Variants in TBP observed in about 807,000 individuals in gnomAD.
TBP encodes TATA-box binding protein, also known as TATA-box-binding protein.
Under a neutral mutation model 46.2 loss-of-function variants are expected in TBP, and 12 were observed. That is an observed-to-expected ratio of 0.26 (90% CI 0.17 to 0.42). The LOEUF (loss-of-function observed/expected upper bound fraction) is 0.42, where lower values mean the gene tolerates loss of function less well. Among genes scored for constraint, TBP ranks in the 10% least tolerant of loss-of-function variants. The pLI, the probability that TBP is intolerant of heterozygous loss-of-function variation, is 1.00. For missense variants in TBP, 229 were observed against 403.1 expected (o/e 0.57, Z 3.70); for synonymous variants, 157 against 148.3 (o/e 1.06, Z -0.42).
intron 3 of TBP, among the ~76,000 whole-genome samples, chr6:170,562,644 A>G (rs1029836433): frequency 6.6e-6 from 1 of 152,154 alleles, no homozygotes; most frequent in Admixed American, 6.5e-5. Context: ...TGTTTTTACT[A>G]TGGGTGCTGC....
intron 2 of TBP, among the ~76,000 whole-genome samples, chr6:170,558,657 C>G (rs1246879552): frequency 1.3e-5 from 2 of 150,322 alleles, no homozygotes; most frequent in African/African-American, 4.9e-5. Context: ...TCATTATTAT[C>G]CGTTATTGTT....
rs1486987465 is a variant in TBP at position 170,556,961 on chromosome 6, G to GA, written c.-63dup. The GA allele has an allele frequency of 9.3e-6, 14 of 1,507,922 alleles. No homozygotes were observed. In the Admixed American group the frequency reaches 2.2e-4, roughly 24 times the overall value. 93.4% of individuals were successfully genotyped at this position (1,507,922 alleles called of 1,614,324 possible). A position where few individuals can be genotyped will look rare whatever the true frequency, so the allele number is the denominator to read the frequency against. ...GAAGAGTGTGCTGGAGATGCTCTAG[G>GA]AAAAAATTGAATAGTGAGACGAGTT... On this transcript the variant is annotated 5_prime_UTR_variant, in exon 2 of 8. Transcript: ENST00000392092.
chr6:170,564,661 T>C, intron 4 of TBP, 29 bp downstream of exon 4: 2 of 1,496,638 alleles, frequency 1.3e-6, no homozygotes, highest in South Asian at 1.2e-5. Context: ...TATTTCTTTT[T>C]TTTTTCTTTT....
chr6:170,556,701 A>C (rs1437752710), intron 1 of TBP, among the ~76,000 whole-genome samples, 181 bp from the exon 2 acceptor site: 1 of 152,232 alleles, frequency 6.6e-6, no homozygotes, highest in Non-Finnish European at 1.5e-5. Context: ...GCGATTTTAC[A>C]TGCAATCGCC....
intron 6 of TBP, among the ~76,000 whole-genome samples, chr6:170,571,135 C>T (rs988286534): frequency 1.3e-5 from 2 of 152,142 alleles, no homozygotes; most frequent in Admixed American, 6.5e-5. Flanking sequence ...AACTACAGGG[C>T]TCTTTTTCTT....
Position 170,569,781 on chromosome 6 carries a change from T to G in TBP, c.845+2T>G. ...GCTCACCCACCAACAATTTAGTAGG[T>G]AAGTCTGAAATGTATTATGATTGTT... On this transcript the variant is annotated splice_donor_variant, in intron 6 of 7. Coordinates refer to ENST00000392092, the MANE Select transcript of TBP (RefSeq NM_003194.5). LOFTEE classifies it high-confidence loss of function. The G allele has an allele frequency of 6.2e-7, 1 of 1,611,510 alleles. No homozygotes were observed. Among genetic ancestry groups the G allele is most frequent in the Non-Finnish European group, 8.5e-7 (1 of 1,179,194 alleles).
At chr6:170,571,635 G>A (rs1779367694) in intron 7 of TBP, 131 bp downstream of exon 7, 1 of 690,794 alleles carries the variant, frequency 1.4e-6, no homozygotes, top group Non-Finnish European at 2.5e-6. Context: ...CCCACCCAAA[G>A]TCTGATGAGA....
At chr6:170,568,003 G>A (rs934965329) in intron 5 of TBP, among the ~76,000 whole-genome samples, 1 of 152,218 alleles carries the variant, frequency 6.6e-6, no homozygotes, top group African/African-American at 2.4e-5. Flanking sequence ...GAAGGGGGCT[G>A]TGGATATTTT....
Position 170,562,229 on chromosome 6 carries a change from C to A in TBP, c.493C>A (p.Leu165Met), listed in dbSNP as rs1412145625. ...GGAGAGTTCTGGGATTGTACCGCAGCTGCAGTGAGTACTTCGTGTTTTATG... is the reference window on the plus strand; with the variant it reads ...GGAGAGTTCTGGGATTGTACCGCAGATGCAGTGAGTACTTCGTGTTTTATG... ...ASESSGIVPQ[L>M]QNIVSTVNLG... The change falls in exon 3 of 8, where the codon CTG (leucine) becomes ATG (methionine). Residue 165 changes from leucine (L) to methionine (M), a missense_variant. Around this residue, in one of 4 missense-constraint regions of TBP, gnomAD observed 67 missense variants for 188.2 expected, o/e 0.36. Transcript: ENST00000392092. 6.2e-7 allele frequency: 1 copy of A among 1,613,170 alleles called. No individual in the cohort carries two copies. The highest frequency in any genetic ancestry group is 8.5e-7 in the Non-Finnish European group (1 of 1,179,224).
At chr6:170,565,991 T>A (rs1301908504) in intron 4 of TBP, among the ~76,000 whole-genome samples, 1 of 151,978 alleles carries the variant, frequency 6.6e-6, no homozygotes, top group Non-Finnish European at 1.5e-5. Context: ...GAAGGATCTC[T>A]TGAGCTCAGG....
In TBP at chr6:170,569,600, TCC is replaced by T. The variant is rs1475136853; in HGVS notation, c.678-11_678-10del. 2 of 1,608,450 alleles carry T rather than the reference TCC, an allele frequency of 1.2e-6. No individual in the cohort carries two copies. The highest frequency in any genetic ancestry group is 1.7e-6 in the Non-Finnish European group (2 of 1,177,958). ...TCTGAGTATGAATAACTCACTTTTT[TCC>T]TTTCCCTAGTGAAGAACAGTCCAGA... is the stretch of plus-strand genomic sequence containing the variant. On this transcript the variant is annotated splice_polypyrimidine_tract_variant and intron_variant, in intron 5 of 7. Transcript: ENST00000392092.
At chr6:170,557,389 A>G (rs118066307) in intron 2 of TBP, among the ~76,000 whole-genome samples, 3,866 of 152,244 alleles carry the variant, frequency 0.025, 156 homozygotes, top group Admixed American at 0.11. Flanking sequence ...ATTATTTTCT[A>G]GTTTTATTTT....
intron 5 of TBP, among the ~76,000 whole-genome samples, chr6:170,567,845 G>A (rs1187176447): frequency 6.6e-6 from 1 of 152,216 alleles, no homozygotes; most frequent in African/African-American, 2.4e-5. Flanking sequence ...CTGCGGCCCT[G>A]ACTGTTCTAA....
intron 6 of TBP, among the ~76,000 whole-genome samples, 181 bp from the exon 7 acceptor site, chr6:170,571,229 G>A (rs912628386): frequency 6.6e-6 from 1 of 152,186 alleles, no homozygotes; most frequent in Non-Finnish European, 1.5e-5. Flanking sequence ...ATCAACTGAC[G>A]ACTACAAGTC....
rs576238873 is a variant in TBP, at chr6:170,566,747, T to C, written c.586-171T>C. On this transcript the variant is annotated intron_variant, in intron 4 of 7. Transcript: ENST00000392092. The stretch of plus-strand genomic sequence containing the variant: ...TATGCAAAGGAATATTTGTTACATG[T>C]GGTGTATGCAAATCCTTTACAGATA... Among the ~76,000 whole-genome samples the C allele has an allele frequency of 3.9e-5, 6 of 152,326 alleles. No individual in the cohort carries two copies. The South Asian group carries it at 1.2e-3, about 32-fold the overall frequency.
Position 170,564,033 on chromosome 6 carries a change from C to CT in TBP, c.498-502dup, listed in dbSNP as rs142253041. 6.5e-3 allele frequency among the ~76,000 whole-genome samples: 959 copies of CT among 146,500 alleles called. 15 individuals carry two copies. Among genetic ancestry groups the CT allele is most frequent in the Middle Eastern group, 0.011 (3 of 278 alleles). ...ATTAGAAGAGAAAGCAGGGTTTTGC[C>CT]TTTTTTTTTTGCTAAAGACACTTAG... On this transcript the variant is annotated intron_variant, in intron 3 of 7. Transcript: ENST00000392092.
chr6:170,560,312 A>G (rs1779117340), intron 2 of TBP, among the ~76,000 whole-genome samples: 1 of 152,180 alleles, frequency 6.6e-6, no homozygotes, highest in Admixed American at 6.5e-5. Context: ...CAACCTGGGT[A>G]ACAAAACAAG....
At chr6:170,559,194 T>G (rs770002797) in intron 2 of TBP, among the ~76,000 whole-genome samples, 47 of 152,286 alleles carry the variant, frequency 3.1e-4, no homozygotes, top group Non-Finnish European at 5.1e-4. Context: ...GGCTAATTAA[T>G]AACCTTACAG....
intron 5 of TBP, among the ~76,000 whole-genome samples, chr6:170,567,739 G>GT (rs1209960193): frequency 6.6e-6 from 1 of 152,170 alleles, no homozygotes; most frequent in African/African-American, 2.4e-5. Flanking sequence ...CATTAATAGT[G>GT]TTTGAGTTGT....
Sources: allele counts gnomAD v4.1 joint callset (sites outside exome capture counted in the v4.1 genomes callset), GRCh38; gene constraint gnomAD v4.1.1; regional missense constraint gnomAD v4.1.1; transcripts MANE v1.5; gene names NCBI Gene and HGNC (gene_info 2026-07-23, HGNC 2026-07-21).